Variants in SUGCT observed in about 807,000 individuals in gnomAD.
The protein encoded by SUGCT is succinyl-CoA:glutarate CoA-transferase.
SUGCT carries 41 observed loss-of-function variants against 55.0 expected under a neutral mutation model. The observed-to-expected ratio is 0.74, with a 90% CI of 0.58 to 0.97. The LOEUF is 0.97. Ranked by LOEUF, SUGCT falls within the 50% of genes least tolerant of loss-of-function variation. The pLI, the probability that SUGCT is intolerant of heterozygous loss-of-function variation, is 0.00. For synonymous variants in SUGCT, 187 were observed against 200.4 expected (o/e 0.93, Z 0.56); for missense variants, 568 against 547.8 (o/e 1.04, Z -0.37).
chr7:40,586,383 A>G (rs952673179), intron 12 of SUGCT, among the ~76,000 whole-genome samples: 1 of 152,176 alleles, frequency 6.6e-6, no homozygotes, highest in African/African-American at 2.4e-5. Context: ...ATTAATTTAA[A>G]TGTATAAAGC....
At chr7:40,758,892 G>C (rs1788394455) in intron 13 of SUGCT, among the ~76,000 whole-genome samples, 5 of 151,974 alleles carry the variant, frequency 3.3e-5, no homozygotes, top group Admixed American at 3.3e-4. Flanking sequence ...TACAACCCTT[G>C]TGTCTGTTTG....
intron 9 of SUGCT, among the ~76,000 whole-genome samples, chr7:40,385,007 A>G (rs1273845432): frequency 6.6e-6 from 1 of 152,176 alleles, no homozygotes; most frequent in Non-Finnish European, 1.5e-5. Flanking sequence ...TTAAACAAGT[A>G]ATTAAAATAA....
the SUGCT span, among the ~76,000 whole-genome samples, chr7:40,941,221 T>C: frequency 1.3e-5 from 2 of 152,116 alleles, no homozygotes; most frequent in Non-Finnish European, 2.9e-5. Flanking sequence ...CATTTCATGC[T>C]GTAAACATTC....
At chr7:40,189,446 A>C in intron 4 of SUGCT, 98 bp from the exon 5 acceptor site, 1 of 225,980 alleles carries the variant, frequency 4.4e-6, no homozygotes, top group Non-Finnish European at 8.4e-6. Context: ...ATACATGTGC[A>C]TGTTTGTTAT....
chr7:40,188,350 C>A, intron 3 of SUGCT, 145 bp from the exon 4 acceptor site: 1 of 580,594 alleles, frequency 1.7e-6, no homozygotes. Context: ...AGGAGAATTA[C>A]CCGAACCCAG....
At chr7:40,512,104 T>C (rs1792964483) in intron 12 of SUGCT, among the ~76,000 whole-genome samples, 1 of 152,222 alleles carries the variant, frequency 6.6e-6, no homozygotes, top group Non-Finnish European at 1.5e-5. Flanking sequence ...ATGCAGTTAC[T>C]CCTGGAAGTA....
intron 12 of SUGCT, among the ~76,000 whole-genome samples, chr7:40,577,673 G>A (rs1796840904): frequency 6.6e-6 from 1 of 152,118 alleles, no homozygotes; most frequent in Admixed American, 6.5e-5. Context: ...TTGGAACAAA[G>A]TTTATAGACT....
intron 9 of SUGCT, among the ~76,000 whole-genome samples, chr7:40,390,098 A>G (rs1785341161): frequency 1.3e-5 from 2 of 152,240 alleles, no homozygotes; most frequent in East Asian, 1.9e-4. Flanking sequence ...TTCATGCTAA[A>G]AACTCTCAAT....
At chr7:40,147,721 C>G (rs990382383) in intron 1 of SUGCT, among the ~76,000 whole-genome samples, 1 of 152,170 alleles carries the variant, frequency 6.6e-6, no homozygotes, top group Non-Finnish European at 1.5e-5. Flanking sequence ...GTCCTGATTT[C>G]TCACCCCTGA....
intron 12 of SUGCT, among the ~76,000 whole-genome samples, chr7:40,683,300 C>T (rs971363345): frequency 1.1e-4 from 16 of 152,066 alleles, no homozygotes; most frequent in Admixed American, 9.8e-4. Context: ...CCTGTGTAGC[C>T]CTGAAACTTC....
At chr7:40,482,828 A>G (rs919705615) in intron 11 of SUGCT, among the ~76,000 whole-genome samples, 11 of 152,212 alleles carry the variant, frequency 7.2e-5, no homozygotes, top group East Asian at 1.9e-4. Context: ...ATCTTAATAC[A>G]TTAACCCACA....
At chr7:40,399,335 A>T (rs1485608591) in intron 9 of SUGCT, among the ~76,000 whole-genome samples, 8 of 152,220 alleles carry the variant, frequency 5.3e-5, no homozygotes, top group Non-Finnish European at 1.2e-4. Context: ...TAAAAAATAT[A>T]TGAGGAAGAA....
chr7:40,316,909 T>A (rs1795464041), intron 9 of SUGCT, 54 bp downstream of exon 9: 1 of 819,248 alleles, frequency 1.2e-6, no homozygotes, highest in Admixed American at 3.3e-5. Context: ...TTTTATATGA[T>A]GTGTTTTTGG....
intron 12 of SUGCT, among the ~76,000 whole-genome samples, chr7:40,657,058 G>A (rs1226635160): frequency 2.0e-5 from 3 of 152,190 alleles, no homozygotes. Context: ...GACTCCACCT[G>A]CTGTGGTGTA....
chr7:40,474,672 C>G (rs1271056952), intron 11 of SUGCT, among the ~76,000 whole-genome samples: 1 of 152,106 alleles, frequency 6.6e-6, no homozygotes, highest in Non-Finnish European at 1.5e-5. Flanking sequence ...CATCTGTAGC[C>G]TCTACAGCTC....
intron 8 of SUGCT, among the ~76,000 whole-genome samples, chr7:40,287,422 T>C (rs1793422489): frequency 6.6e-6 from 1 of 152,172 alleles, no homozygotes; most frequent in Admixed American, 6.5e-5. Flanking sequence ...CATCCTTTTC[T>C]TGTTCCTGAT....
At chr7:40,370,563 G>GGA (rs143634863) in intron 9 of SUGCT, among the ~76,000 whole-genome samples, 1 of 149,020 alleles carries the variant, frequency 6.7e-6, no homozygotes, top group Admixed American at 6.8e-5. Flanking sequence ...GGAGGGCAAA[G>GGA]GAGAGAGAGA....
At chr7:40,698,242 T>C (rs1392865930) in intron 12 of SUGCT, among the ~76,000 whole-genome samples, 1 of 152,172 alleles carries the variant, frequency 6.6e-6, no homozygotes, top group East Asian at 1.9e-4. Context: ...TGCAGGTGAA[T>C]GTCTCAGGTG....
chr7:41,029,742 A>G, the SUGCT span, among the ~76,000 whole-genome samples: 1 of 152,200 alleles, frequency 6.6e-6, no homozygotes, highest in Non-Finnish European at 1.5e-5. Context: ...TGATGAACCA[A>G]TATTATTACA....
Sources: gnomAD v4.1 joint callset for allele counts (sites outside exome capture counted in the v4.1 genomes callset) on GRCh38, gnomAD v4.1.1 for gene constraint, MANE v1.5 for transcripts, NCBI Gene and HGNC (gene_info 2026-07-23, HGNC 2026-07-21) for gene names.